The following ZFHX3 variants were observed in gnomAD, a reference collection of about 807,000 sequenced individuals.
ZFHX3 encodes the protein zinc finger homeobox 3, also known as zinc finger homeobox protein 3.
In ZFHX3, 42 loss-of-function variants were observed where a neutral mutation model predicts 279.1. The ratio of observed to expected loss-of-function variants is 0.15; its 90% CI spans 0.12 to 0.19. The LOEUF is 0.19. Ranked by LOEUF, ZFHX3 falls within the 10% of genes least tolerant of loss-of-function variation. ZFHX3 has a pLI of 1.00. For missense variants in ZFHX3, 4,981 were observed against 4,754.0 expected, an observed-to-expected ratio of 1.05 and a Z score of -1.40; for synonymous variants, 2,293 against 1,957.8, an observed-to-expected ratio of 1.17 and a Z score of -4.52.
chr16:73,130,090 T>A (rs979247350), intron 7 of ZFHX3, among the ~76,000 whole-genome samples: 1 of 152,182 alleles, frequency 6.6e-6, no homozygotes, highest in Admixed American at 6.5e-5. Flanking sequence ...CATTTCTAAT[T>A]CCACTGGGTT....
intron 8 of ZFHX3, among the ~76,000 whole-genome samples, chr16:73,066,000 C>G (rs1965746980): frequency 6.6e-6 from 1 of 152,210 alleles, no homozygotes; most frequent in Non-Finnish European, 1.5e-5. Context: ...GGGCGTGGCC[C>G]CACGGCCGGC....
At chr16:73,417,052 G>A (rs1001497726) in intron 3 of ZFHX3, among the ~76,000 whole-genome samples, 1 of 151,910 alleles carries the variant, frequency 6.6e-6, no homozygotes, top group South Asian at 2.1e-4. Flanking sequence ...CTGACATCAC[G>A]CACCCCGCAT....
chr16:72,906,166 C>T (rs1303923612), intron 3 of ZFHX3, among the ~76,000 whole-genome samples: 3 of 151,868 alleles, frequency 2.0e-5, no homozygotes, highest in Admixed American at 2.0e-4. Flanking sequence ...CCTGGTTGGT[C>T]AGCTCTCCAG....
intron 3 of ZFHX3, among the ~76,000 whole-genome samples, chr16:73,416,791 G>A (rs568532719): frequency 1.4e-5 from 2 of 146,642 alleles, no homozygotes; most frequent in African/African-American, 4.9e-5. Context: ...GGAGAATGGC[G>A]TGAACTCGGG....
chr16:73,374,559 C>G (rs1170389769), intron 3 of ZFHX3, among the ~76,000 whole-genome samples: 1 of 152,158 alleles, frequency 6.6e-6, no homozygotes, highest in African/African-American at 2.4e-5. Context: ...AAAAGATTTC[C>G]TTAATGTCAT....
At chr16:73,359,603 G>A (rs137996138) in intron 3 of ZFHX3, among the ~76,000 whole-genome samples, 1 of 152,188 alleles carries the variant, frequency 6.6e-6, no homozygotes, top group Non-Finnish European at 1.5e-5. Flanking sequence ...GAGCCCAGAG[G>A]CATTGGGAAG....
At chr16:73,748,956 T>G (rs1356790160) in intron 1 of ZFHX3, among the ~76,000 whole-genome samples, 3 of 152,014 alleles carry the variant, frequency 2.0e-5, no homozygotes, top group Non-Finnish European at 4.4e-5. Flanking sequence ...CCTGACTAAT[T>G]TTTGTACATT....
intron 1 of ZFHX3, among the ~76,000 whole-genome samples, chr16:73,860,604 C>G (rs1961856160): frequency 6.6e-6 from 1 of 152,168 alleles, no homozygotes. Flanking sequence ...CCATTTTGGT[C>G]TTTATAGAAA....
intron 3 of ZFHX3, among the ~76,000 whole-genome samples, chr16:73,392,418 CAAAAAAAAA>C (rs35019692): frequency 1.1e-4 from 4 of 35,798 alleles, no homozygotes; most frequent in South Asian, 2.6e-3. Context: ...GACCCTGTCT[CAAAAAAAAA>C]AAAAAAAAAA....
At chr16:73,349,616 C>T (rs1056444041) in intron 3 of ZFHX3, among the ~76,000 whole-genome samples, 1 of 60,106 alleles carries the variant, frequency 1.7e-5, no homozygotes, top group South Asian at 6.0e-4. Flanking sequence ...CTTACTTCCT[C>T]CCTCCCTTCC....
At chr16:72,789,920 G>C (rs2035624162) in intron 9 of ZFHX3, 1 of 152,318 alleles carries the variant, frequency 6.6e-6, no homozygotes, top group South Asian at 2.1e-4. Context: ...CCAAGATACT[G>C]ACACCAATTC....
intron 5 of ZFHX3, among the ~76,000 whole-genome samples, chr16:72,818,477 G>A (rs1237723139): frequency 6.6e-6 from 1 of 152,134 alleles, no homozygotes; most frequent in Non-Finnish European, 1.5e-5. Context: ...CCCCCCAATA[G>A]AGAGAACAAC....
chr16:73,185,807 A>G (rs62052443), intron 5 of ZFHX3, among the ~76,000 whole-genome samples: 22,027 of 152,084 alleles, frequency 0.14, 2,005 homozygotes, highest in Middle Eastern at 0.21. Flanking sequence ...GGGGTCCCCA[A>G]TCCCCGGGCC....
intron 1 of ZFHX3, among the ~76,000 whole-genome samples, chr16:73,684,103 G>C (rs902266812): frequency 1.3e-5 from 2 of 152,130 alleles, no homozygotes; most frequent in African/African-American, 4.8e-5. Context: ...ACACTAGCCT[G>C]GGCAGCGTAG....
At chr16:73,519,428 A>G (rs912719556) in intron 2 of ZFHX3, among the ~76,000 whole-genome samples, 2 of 152,042 alleles carry the variant, frequency 1.3e-5, no homozygotes, top group Non-Finnish European at 2.9e-5. Context: ...TTTTAAAAAA[A>G]TTCTTCCTTA....
At position 72,796,448 on chromosome 16, in the gene ZFHX3, C is replaced by CGGTGCA. The variant is rs777255135; in HGVS notation, c.6228_6233dup (p.Pro2078_Ala2079dup). The CGGTGCA allele has an allele frequency of 1.3e-6, 2 of 1,589,820 alleles. No homozygotes were observed. The highest frequency in any genetic ancestry group is 2.2e-5 in the South Asian group (2 of 90,478). ...GGGTGAGCGGCACTGATGGCTGGGCCGGTGCAATTGTAGGTGAGGTGATGG... is the reference window on the plus strand; with the variant it reads ...GGGTGAGCGGCACTGATGGCTGGGCCGGTGCAGGTGCAATTGTAGGTGAGGTGATGG... On this transcript the variant is annotated inframe_insertion, in exon 9 of 10. Coordinates refer to ENST00000268489, the MANE Select transcript of ZFHX3 (RefSeq NM_006885.4).
intron 7 of ZFHX3, among the ~76,000 whole-genome samples, chr16:73,112,264 C>G (rs756950330): frequency 6.6e-6 from 1 of 151,748 alleles, no homozygotes; most frequent in Non-Finnish European, 1.5e-5. Flanking sequence ...GGCAGAACCC[C>G]AAGCAGGAGC....
intron 7 of ZFHX3, chr16:73,127,706 G>T: frequency 9.7e-7 from 1 of 1,031,824 alleles, no homozygotes; most frequent in Non-Finnish European, 1.3e-6. Flanking sequence ...ACCTCACTCA[G>T]TAAGGGCTGT....
At chr16:73,077,076 C>G (rs139707533) in intron 8 of ZFHX3, among the ~76,000 whole-genome samples, 1 of 152,088 alleles carries the variant, frequency 6.6e-6, no homozygotes, top group African/African-American at 2.4e-5. Context: ...AAAAAGGATG[C>G]GCTAATAAAT....
Sources: gnomAD v4.1 joint callset for allele counts (sites outside exome capture counted in the v4.1 genomes callset) on GRCh38, gnomAD v4.1.1 for gene constraint, MANE v1.5 for transcripts, NCBI Gene and HGNC (gene_info 2026-07-23, HGNC 2026-07-21) for gene names.